Variants in ATF6 observed in about 807,000 individuals in gnomAD.
The protein encoded by ATF6 is activating transcription factor 6.
ATF6 carries 53 observed loss-of-function variants against 83.6 expected under a neutral mutation model. That is an observed-to-expected ratio of 0.63 (90% CI 0.51 to 0.80). The LOEUF (loss-of-function observed/expected upper bound fraction) is 0.80. Among genes scored for constraint, ATF6 ranks in the 30% least tolerant of loss-of-function variants. ATF6 has a pLI of 0.00. For missense variants in ATF6, 744 were observed against 797.9 expected, an observed-to-expected ratio of 0.93 and a Z score of 0.81; for synonymous variants, 288 against 285.8, an observed-to-expected ratio of 1.01 and a Z score of -0.08.
intron 9 of ATF6, among the ~76,000 whole-genome samples, chr1:161,838,421 G>T (rs761879016): frequency 7.9e-5 from 12 of 152,148 alleles, no homozygotes; most frequent in Non-Finnish European, 1.8e-4. Flanking sequence ...TCTGCAAATT[G>T]GGCAGAGTTC....
At chr1:161,898,638 C>T (rs148033372) in intron 14 of ATF6, among the ~76,000 whole-genome samples, 1,757 of 152,124 alleles carry the variant, frequency 0.012, 27 homozygotes, top group Non-Finnish European at 0.019. Context: ...ACCTCCACCT[C>T]CTGGGTTCAA....
At chr1:161,951,110 T>C (rs2101918629) in intron 15 of ATF6, among the ~76,000 whole-genome samples, 1 of 152,326 alleles carries the variant, frequency 6.6e-6, no homozygotes, top group Middle Eastern at 3.4e-3. Context: ...GAAAATATTA[T>C]AGGAACTTGA....
intron 14 of ATF6, among the ~76,000 whole-genome samples, chr1:161,889,781 A>C (rs550243995): frequency 6.6e-6 from 1 of 152,372 alleles, no homozygotes; most frequent in South Asian, 2.1e-4. Flanking sequence ...TGGTGTTACA[A>C]AGAACAAAAG....
chr1:161,835,187 G>C (rs891032655), intron 9 of ATF6, among the ~76,000 whole-genome samples: 2 of 152,098 alleles, frequency 1.3e-5, no homozygotes, highest in Admixed American at 6.5e-5. Flanking sequence ...TGAGTAGTTA[G>C]TACTCTAGAT....
chr1:161,957,934 A>G (rs149160790), intron 15 of ATF6, among the ~76,000 whole-genome samples: 141 of 152,308 alleles, frequency 9.3e-4, no homozygotes, highest in Non-Finnish European at 1.7e-3. Flanking sequence ...AAGTGTCTTA[A>G]TGAAGTCAGA....
At chr1:161,899,141 A>G (rs12077206) in intron 14 of ATF6, among the ~76,000 whole-genome samples, 90 of 152,328 alleles carry the variant, frequency 5.9e-4, no homozygotes, top group African/African-American at 2.1e-3. Flanking sequence ...ACAAAGGCCA[A>G]TGAAGTTTCT....
rs777479721 is a variant in ATF6, at chr1:161,766,458, G to T, written c.82+16G>T. ...GAAGATTGGGGTGAGTGGGATCTGA[G>T]AATGTACCAGGGTGGCTCGGGTTCG... On this transcript the variant is annotated intron_variant, in intron 1 of 15. Transcript: ENST00000367942. 2 of 1,611,906 alleles carry T rather than the reference G, an allele frequency of 1.2e-6. No homozygotes were observed. Among genetic ancestry groups the T allele is most frequent in the East Asian group, 2.2e-5 (1 of 44,826 alleles).
chr1:161,894,694 C>T lies in ATF6; in HGVS notation c.1720-17602C>T, dbSNP rs373910018. Among the ~76,000 whole-genome samples, 872 of 143,678 alleles carry T rather than the reference C, an allele frequency of 6.1e-3. 6 individuals are homozygous for T. The highest frequency in any genetic ancestry group is 0.021 in the African/African-American group (787 of 37,230). The allele number at this position is 143,678 out of a possible 152,430, so 94.3% of individuals were successfully genotyped here. A position where few individuals can be genotyped will look rare whatever the true frequency, so the allele number is the denominator to read the frequency against. On this transcript the variant is annotated intron_variant, in intron 14 of 15. Transcript: ENST00000367942. Reference sequence around the variant, plus strand: ...GGGATTACAGGCGCCCACCACTAAGCCGGGCTAATTTTTTTTTTTTTTTTT... The same window carrying T: ...GGGATTACAGGCGCCCACCACTAAGTCGGGCTAATTTTTTTTTTTTTTTTT...
intron 12 of ATF6, among the ~76,000 whole-genome samples, chr1:161,856,318 G>A (rs1248873771): frequency 6.6e-6 from 1 of 152,092 alleles, no homozygotes; most frequent in Non-Finnish European, 1.5e-5. Context: ...CAACTTTATT[G>A]GTTGTTAATA....
intron 3 of ATF6, among the ~76,000 whole-genome samples, chr1:161,783,363 AT>A (rs926367287): frequency 3.3e-4 from 50 of 152,098 alleles, no homozygotes; most frequent in Admixed American, 6.6e-4. Flanking sequence ...CGTATGGCTA[AT>A]TTTGGAAAAC....
intron 14 of ATF6, among the ~76,000 whole-genome samples, chr1:161,869,850 C>T (rs1015691968): frequency 1.3e-5 from 2 of 151,678 alleles, no homozygotes; most frequent in African/African-American, 2.4e-5. Context: ...AGTTTACAAA[C>T]CTCTTTCACA....
At chr1:161,786,421 T>C (rs1684750289) in intron 4 of ATF6, among the ~76,000 whole-genome samples, 1 of 152,226 alleles carries the variant, frequency 6.6e-6, no homozygotes, top group Non-Finnish European at 1.5e-5. Flanking sequence ...TTTTGTCTCT[T>C]TGCTTTATTT....
intron 12 of ATF6, among the ~76,000 whole-genome samples, chr1:161,856,258 A>G (rs1372352856): frequency 1.3e-5 from 2 of 152,200 alleles, no homozygotes; most frequent in African/African-American, 4.8e-5. Context: ...GTAATTATCT[A>G]CTGTGTGCTT....
At position 161,957,173 on chromosome 1, in the gene ATF6, T is replaced by TA. The variant is rs11327624; in HGVS notation, c.1805-1260dup. ...TGCTTGGCATGCTCAGTGTCAAAGT[T>TA]AAAAAAAAAAAAAGTAGAATAGAAA... On this transcript the variant is annotated intron_variant, in intron 15 of 15. Transcript: ENST00000367942. Among the ~76,000 whole-genome samples the TA allele has an allele frequency of 4.2e-3, 622 of 149,092 alleles. 3 individuals carry two copies. The highest frequency in any genetic ancestry group is 0.014 in the African/African-American group (580 of 40,434).
At position 161,783,993 on chromosome 1, in the gene ATF6, A is replaced by C. The variant is rs1684691732; in HGVS notation, c.251A>C (p.Lys84Thr). Reference protein sequence around the residue: ...WDINNQICTVKDIKAEPQPLS... With the variant: ...WDINNQICTVTDIKAEPQPLS... ...ACCTTTCCTCCATGTTTTCCAGTTA[A>C]AGATATTAAGGCAGAACCTCAGCCA... The change falls in exon 4 of 16, where the codon AAA becomes ACA. Residue 84 changes from lysine (K) to threonine (T), a missense_variant. Coordinates refer to ENST00000367942, the MANE Select transcript of ATF6 (RefSeq NM_007348.4). The C allele has an allele frequency of 3.1e-6, 5 of 1,607,300 alleles. No individual in the cohort carries two copies. The East Asian group carries it at 1.1e-4, about 36-fold the overall frequency.
In ATF6 at chr1:161,958,981, G is replaced by A. The variant is rs1136046; in HGVS notation, c.*327G>A. 42,050 of 201,226 alleles carry A rather than the reference G, an allele frequency of 0.21. 6,151 individuals are homozygous for A. The highest frequency in any genetic ancestry group is 0.4 in the East Asian group (3,578 of 8,966). The allele number at this position is 201,226 out of a possible 1,614,324, so 12.5% of individuals were successfully genotyped here. A position where few individuals can be genotyped will look rare whatever the true frequency, so the allele number is the denominator to read the frequency against. ...TCTGTGATGGTTTTGTGTTTAAACA[G>A]TCATCTTCTTTTAAATAATATCCAC... On this transcript the variant is annotated 3_prime_UTR_variant, in exon 16 of 16. Coordinates refer to ENST00000367942, the MANE Select transcript of ATF6 (RefSeq NM_007348.4).
At chr1:161,824,548 T>C (rs1685846467) in intron 9 of ATF6, among the ~76,000 whole-genome samples, 1 of 152,180 alleles carries the variant, frequency 6.6e-6, no homozygotes, top group African/African-American at 2.4e-5. Context: ...GTAACTTATT[T>C]ATTTTCTTTC....
chr1:161,819,214 A>G (rs1210748472), intron 7 of ATF6, among the ~76,000 whole-genome samples: 2 of 152,172 alleles, frequency 1.3e-5, no homozygotes, highest in East Asian at 1.9e-4. Context: ...TTTGCACATA[A>G]TGAATTTGAA....
intron 7 of ATF6, among the ~76,000 whole-genome samples, chr1:161,815,184 A>ATTTTTTTTT (rs34687938): frequency 2.1e-5 from 2 of 96,448 alleles, no homozygotes; most frequent in African/African-American, 4.7e-5. Context: ...TCCCATTTTA[A>ATTTTTTTTT]TTTTTTTTTT....
Sources: gnomAD v4.1 joint callset for allele counts (sites outside exome capture counted in the v4.1 genomes callset) on GRCh38, gnomAD v4.1.1 for gene constraint, MANE v1.5 for transcripts, NCBI Gene and HGNC (gene_info 2026-07-23, HGNC 2026-07-21) for gene names.